Variants in SYTL2 observed in about 807,000 individuals in gnomAD.
SYTL2 encodes synaptotagmin like 2.
A neutral mutation model predicts 198.7 loss-of-function variants in SYTL2; 165 were observed. The observed-to-expected ratio is 0.83, with a 90% CI of 0.73 to 0.94. SYTL2 has a LOEUF of 0.94. Among genes scored for constraint, SYTL2 ranks in the 40% least tolerant of loss-of-function variants. The probability of loss-of-function intolerance (pLI) is 0.00; values close to 1 mark genes in which losing one functional copy is unlikely to be tolerated. For missense variants in SYTL2, 2,835 were observed against 2,582.8 expected (o/e 1.10, Z -2.12); for synonymous variants, 966 against 917.7 (o/e 1.05, Z -0.95).
chr11:85,726,692 C>G lies in SYTL2; in HGVS notation c.2666G>C (p.Arg889Thr). The G allele has an allele frequency of 6.5e-7, 1 of 1,536,294 alleles. No individual in the cohort carries two copies. Among genetic ancestry groups the G allele is most frequent in the South Asian group, 1.2e-5 (1 of 84,100 alleles). ...TGATTGCTCAGCTGAAAGATAGTAT[C>G]TGGATGGACCTGCTATTTGTGGCTT... is the stretch of plus-strand genomic sequence containing the variant. ...ETKPQIAGPS[R>T]YYLSAEQSDK... is the part of the protein sequence containing the mutation. Residue 889 changes from arginine (R) to threonine (T), a missense_variant, in exon 8 of 20, where the codon AGA (arginine) becomes ACA (threonine). By Grantham distance (71) the Arg-to-Thr change is moderately conservative. Around this residue, in one of 3 missense-constraint regions of SYTL2, gnomAD observed 2,645 missense variants for 2,381.7 expected, o/e 1.11. Transcript: ENST00000359152.
chr11:85,706,827 T>C (rs1052454445), intron 15 of SYTL2, among the ~76,000 whole-genome samples: 2 of 150,740 alleles, frequency 1.3e-5, no homozygotes, highest in African/African-American at 4.9e-5. Flanking sequence ...GGGTTTTTTT[T>C]GTTTTTTGTT....
intron 2 of SYTL2, among the ~76,000 whole-genome samples, chr11:85,757,182 T>C (rs983084546): frequency 6.6e-6 from 1 of 152,234 alleles, no homozygotes; most frequent in African/African-American, 2.4e-5. Flanking sequence ...TTCCAACATT[T>C]CTGAAAGCAT....
At chr11:85,847,124 A>T in the SYTL2 span, among the ~76,000 whole-genome samples, 1 of 152,184 alleles carries the variant, frequency 6.6e-6, no homozygotes, top group African/African-American at 2.4e-5. Context: ...AATGGGTTTT[A>T]ACAAATCTAT....
chr11:85,707,560 C>A (rs1239733005), intron 14 of SYTL2, 29 bp from the exon 15 acceptor site: 1 of 1,395,896 alleles, frequency 7.2e-7, no homozygotes, highest in South Asian at 1.2e-5. Flanking sequence ...CAGACAAAGT[C>A]AAAGAAAATA....
intron 8 of SYTL2, among the ~76,000 whole-genome samples, chr11:85,723,540 A>G (rs2088667814): frequency 6.6e-6 from 1 of 152,238 alleles, no homozygotes; most frequent in Admixed American, 6.5e-5. Context: ...TTTGCGACAA[A>G]TCTTACCAGA....
chr11:85,698,454 G>T (rs566033477), intron 17 of SYTL2, among the ~76,000 whole-genome samples: 1 of 152,284 alleles, frequency 6.6e-6, no homozygotes, highest in East Asian at 1.9e-4. Context: ...GTATCAGTTG[G>T]TGCTAGTGGA....
intron 1 of SYTL2, among the ~76,000 whole-genome samples, chr11:85,802,077 G>A (rs546021953): frequency 2.6e-5 from 4 of 152,044 alleles, no homozygotes; most frequent in East Asian, 3.9e-4. Flanking sequence ...GGCTCCCAAA[G>A]TGCTGGGAAT....
chr11:85,832,677 C>T, the SYTL2 span, among the ~76,000 whole-genome samples: 2 of 151,984 alleles, frequency 1.3e-5, no homozygotes, highest in Non-Finnish European at 2.9e-5. Flanking sequence ...CAAGCTGAGA[C>T]CAGACAAATG....
At chr11:85,696,571 T>A in intron 18 of SYTL2, 183 bp from the exon 19 acceptor site, 1 of 603,724 alleles carries the variant, frequency 1.7e-6, no homozygotes, top group East Asian at 2.8e-5. Flanking sequence ...GAAAAGACTC[T>A]GGACCTAGAG....
intron 1 of SYTL2, among the ~76,000 whole-genome samples, chr11:85,801,853 C>G (rs189604273): frequency 4.7e-5 from 7 of 148,994 alleles, no homozygotes; most frequent in South Asian, 2.2e-4. Context: ...TGGAGTCTTA[C>G]ACTGTCGCTG....
the SYTL2 span, among the ~76,000 whole-genome samples, chr11:85,845,511 C>A: frequency 6.6e-6 from 1 of 152,058 alleles, no homozygotes; most frequent in South Asian, 2.1e-4. Flanking sequence ...GCCTGTAATC[C>A]CAACACTTTG....
chr11:85,712,592 T>G (rs1336326229), intron 12 of SYTL2, among the ~76,000 whole-genome samples: 1 of 152,130 alleles, frequency 6.6e-6, no homozygotes, highest in Non-Finnish European at 1.5e-5. Context: ...CCCAGATGAT[T>G]TGAACTCTCT....
At chr11:85,822,158 C>T in the SYTL2 span, among the ~76,000 whole-genome samples, 1 of 152,210 alleles carries the variant, frequency 6.6e-6, no homozygotes, top group East Asian at 1.9e-4. Flanking sequence ...AAGGGATTCG[C>T]ACCCTAGTCT....
chr11:85,826,765 C>G, the SYTL2 span, among the ~76,000 whole-genome samples: 1 of 152,256 alleles, frequency 6.6e-6, no homozygotes, highest in South Asian at 2.1e-4. Flanking sequence ...CTCTAGTTCA[C>G]AGTCGGCAGG....
chr11:85,789,664 A>G (rs2092702408), intron 1 of SYTL2, among the ~76,000 whole-genome samples: 1 of 151,872 alleles, frequency 6.6e-6, no homozygotes, highest in African/African-American at 2.4e-5. Flanking sequence ...AATCATCTCA[A>G]TCTTTTAAAC....
chr11:85,706,019 T>C (rs1273551077), intron 15 of SYTL2, among the ~76,000 whole-genome samples: 1 of 152,194 alleles, frequency 6.6e-6, no homozygotes, highest in Non-Finnish European at 1.5e-5. Flanking sequence ...TATTTTTAGT[T>C]TTAAATGATC....
intron 16 of SYTL2, among the ~76,000 whole-genome samples, chr11:85,702,137 G>A (rs1054950597): frequency 6.6e-6 from 1 of 151,640 alleles, no homozygotes; most frequent in Non-Finnish European, 1.5e-5. Context: ...TGTTAAAAAT[G>A]TATATTCTTG....
intron 1 of SYTL2, among the ~76,000 whole-genome samples, chr11:85,767,199 GA>G (rs1205343317): frequency 2.6e-5 from 4 of 152,180 alleles, no homozygotes; most frequent in African/African-American, 7.2e-5. Flanking sequence ...CGTGGATGAG[GA>G]ATCTGTGATG....
intron 16 of SYTL2, among the ~76,000 whole-genome samples, chr11:85,701,481 T>C (rs561925277): frequency 7.9e-5 from 12 of 152,360 alleles, no homozygotes; most frequent in African/African-American, 2.9e-4. Context: ...ATAAGAAACC[T>C]GCATAAGATA....
Sources: allele counts gnomAD v4.1 joint callset (sites outside exome capture counted in the v4.1 genomes callset), GRCh38; gene constraint gnomAD v4.1.1; regional missense constraint gnomAD v4.1.1; transcripts MANE v1.5; gene names NCBI Gene and HGNC (gene_info 2026-07-23, HGNC 2026-07-21).